Variants in PHACTR1 observed in about 807,000 individuals in gnomAD.
The protein encoded by PHACTR1 is phosphatase and actin regulator 1, also known as RPEL repeat containing 1.
In PHACTR1, 16 loss-of-function variants were observed where a neutral mutation model predicts 69.2. That is an observed-to-expected ratio of 0.23 (90% CI 0.16 to 0.35). PHACTR1 has a LOEUF of 0.35. Ranked by LOEUF, PHACTR1 falls within the 10% of genes least tolerant of loss-of-function variation. The probability of loss-of-function intolerance (pLI) is 1.00; values close to 1 mark genes in which losing one functional copy is unlikely to be tolerated. For missense variants in PHACTR1, 510 were observed against 734.7 expected, an observed-to-expected ratio of 0.69 and a Z score of 3.54; for synonymous variants, 312 against 284.5, an observed-to-expected ratio of 1.10 and a Z score of -0.97.
intron 3 of PHACTR1, among the ~76,000 whole-genome samples, chr6:12,735,018 T>C (rs1036955692): frequency 1.3e-5 from 2 of 152,180 alleles, no homozygotes; most frequent in African/African-American, 4.8e-5. Context: ...AAACACACTA[T>C]CTGACAGTTT....
At chr6:13,187,452 G>A (rs775025596) in intron 7 of PHACTR1, among the ~76,000 whole-genome samples, 6 of 152,208 alleles carry the variant, frequency 3.9e-5, no homozygotes, top group Non-Finnish European at 5.9e-5. Flanking sequence ...GGTCATTGAA[G>A]AGTTGGCTGA....
intron 5 of PHACTR1, among the ~76,000 whole-genome samples, chr6:13,101,344 A>C (rs1178823177): frequency 1.3e-5 from 2 of 152,218 alleles, no homozygotes; most frequent in African/African-American, 2.4e-5. Flanking sequence ...ATCACTTCTT[A>C]TTAACCCCAC....
At chr6:12,744,408 C>T (rs928054552) in intron 3 of PHACTR1, among the ~76,000 whole-genome samples, 1 of 152,074 alleles carries the variant, frequency 6.6e-6, no homozygotes, top group Non-Finnish European at 1.5e-5. Context: ...AAGAAATGTG[C>T]TCCAAATTTT....
At chr6:13,004,544 C>T (rs1798547856) in intron 4 of PHACTR1, among the ~76,000 whole-genome samples, 1 of 151,988 alleles carries the variant, frequency 6.6e-6, no homozygotes, top group African/African-American at 2.4e-5. Context: ...GTCAATATAT[C>T]CTCTTGTTTA....
chr6:13,136,911 C>G (rs758527022), intron 5 of PHACTR1, among the ~76,000 whole-genome samples: 2 of 152,158 alleles, frequency 1.3e-5, no homozygotes, highest in Non-Finnish European at 2.9e-5. Flanking sequence ...CATCAAAGAT[C>G]AGATCGCCAT....
chr6:12,810,320 TTTG>T (rs1220685565), intron 4 of PHACTR1, among the ~76,000 whole-genome samples: 3 of 150,984 alleles, frequency 2.0e-5, no homozygotes, highest in African/African-American at 5.0e-5. Flanking sequence ...GGTTGGTTGG[TTTG>T]TTGTTTGTTT....
intron 5 of PHACTR1, among the ~76,000 whole-genome samples, chr6:13,067,493 A>G (rs1039802819): frequency 5.3e-5 from 8 of 152,198 alleles, no homozygotes; most frequent in Non-Finnish European, 1.2e-4. Context: ...ATCAATAAAA[A>G]CTGACACTGG....
At chr6:12,900,114 C>T (rs773324829) in intron 4 of PHACTR1, among the ~76,000 whole-genome samples, 17 of 152,222 alleles carry the variant, frequency 1.1e-4, no homozygotes, top group Non-Finnish European at 1.9e-4. Context: ...CCCACTGTAT[C>T]GCCTTCTGGT....
chr6:12,786,292 G>C (rs1771536335), intron 4 of PHACTR1, among the ~76,000 whole-genome samples: 1 of 152,210 alleles, frequency 6.6e-6, no homozygotes, highest in African/African-American at 2.4e-5. Flanking sequence ...ATTCATGCAT[G>C]TGTGTGTATA....
chr6:13,207,998 T>A (rs931850829), intron 8 of PHACTR1, among the ~76,000 whole-genome samples: 4 of 152,208 alleles, frequency 2.6e-5, no homozygotes, highest in African/African-American at 9.6e-5. Context: ...ACTTGATTGT[T>A]TGGTGTTAAC....
intron 3 of PHACTR1, 130 bp from the exon 4 acceptor site, chr6:12,749,514 T>TC: frequency 1.9e-6 from 1 of 522,654 alleles, no homozygotes; most frequent in South Asian, 1.6e-5. Flanking sequence ...TCTTTCCCAC[T>TC]CCCTCCCCAC....
At chr6:12,786,500 ACT>A (rs1191881637) in intron 4 of PHACTR1, among the ~76,000 whole-genome samples, 1 of 152,118 alleles carries the variant, frequency 6.6e-6, no homozygotes, top group Non-Finnish European at 1.5e-5. Context: ...GAAAAATTGA[ACT>A]CTCTGAGTTT....
chr6:13,103,871 G>A (rs1419000962), intron 5 of PHACTR1, among the ~76,000 whole-genome samples: 1 of 152,158 alleles, frequency 6.6e-6, no homozygotes, highest in Non-Finnish European at 1.5e-5. Context: ...ATCACTTGAG[G>A]TCAGGAGGCT....
At chr6:12,996,654 C>T (rs971794170) in intron 4 of PHACTR1, among the ~76,000 whole-genome samples, 2 of 152,066 alleles carry the variant, frequency 1.3e-5, no homozygotes, top group African/African-American at 4.8e-5. Context: ...TATGTGACCT[C>T]TATTTTATAT....
chr6:13,062,210 T>C (rs559912942), intron 5 of PHACTR1, among the ~76,000 whole-genome samples: 1 of 152,340 alleles, frequency 6.6e-6, no homozygotes, highest in South Asian at 2.1e-4. Flanking sequence ...ATAGTATGTA[T>C]GCACAGGAAA....
intron 4 of PHACTR1, among the ~76,000 whole-genome samples, chr6:12,810,569 G>A (rs1464576211): frequency 2.0e-5 from 3 of 152,278 alleles, no homozygotes; most frequent in African/African-American, 7.2e-5. Flanking sequence ...ATACCTGGGA[G>A]GTCTCAGCAG....
chr6:12,729,151 C>T (rs764995590), intron 3 of PHACTR1, among the ~76,000 whole-genome samples: 19 of 152,248 alleles, frequency 1.2e-4, no homozygotes, highest in Middle Eastern at 3.4e-3. Context: ...CCATTTCTTT[C>T]CGATTCAAAT....
At chr6:13,252,708 C>T (rs563945578) in intron 10 of PHACTR1, among the ~76,000 whole-genome samples, 5 of 151,980 alleles carry the variant, frequency 3.3e-5, no homozygotes, top group East Asian at 1.9e-4. Context: ...GAGTATCGGC[C>T]GCAGGAAAAC....
At chr6:12,977,646 C>T (rs1196267670) in intron 4 of PHACTR1, among the ~76,000 whole-genome samples, 3 of 152,142 alleles carry the variant, frequency 2.0e-5, no homozygotes, top group African/African-American at 7.2e-5. Context: ...ATGTAAGGAT[C>T]GAAGTTAAAT....
Sources: allele counts gnomAD v4.1 joint callset (sites outside exome capture counted in the v4.1 genomes callset), GRCh38; gene constraint gnomAD v4.1.1; transcripts MANE v1.5; gene names NCBI Gene and HGNC (gene_info 2026-07-23, HGNC 2026-07-21).